MCTP1: variants seen among roughly 807,000 people sequenced by gnomAD.
The protein encoded by MCTP1 is multiple C2 and transmembrane domain containing 1.
MCTP1 carries 69 observed loss-of-function variants against 120.6 expected under a neutral mutation model. The observed-to-expected ratio is 0.57, with a 90% CI of 0.47 to 0.70. The LOEUF is 0.70. Ranked by LOEUF, MCTP1 falls within the 30% of genes least tolerant of loss-of-function variation. MCTP1 has a pLI of 0.00. For synonymous variants in MCTP1, 529 were observed against 493.1 expected (o/e 1.07, Z -0.96); for missense variants, 1,203 against 1,248.8 (o/e 0.96, Z 0.55).
rs1801924026 is a variant in MCTP1 at position 94,888,908 on chromosome 5, G to A, written c.1904C>T (p.Ala635Val). 8 of 1,613,568 alleles carry A rather than the reference G, an allele frequency of 5.0e-6. No homozygotes were observed. The highest frequency in any genetic ancestry group is 4.2e-6 in the Non-Finnish European group (5 of 1,179,618). The stretch of plus-strand genomic sequence containing the variant: ...GACGTCGGCAGCCATTAACCCTTCC[G>A]CTCTGATGACTTTCACCTGGAGAAA... Reference protein sequence around the residue: ...VGFLQVKVIRAEGLMAADVTG... With the variant: ...VGFLQVKVIRVEGLMAADVTG... The change falls in exon 12 of 23, where the codon GCG (alanine) becomes GTG (valine). Residue 635 changes from alanine (A) to valine (V), a missense_variant. Around this residue, in one of 2 missense-constraint regions of MCTP1, gnomAD observed 740 missense variants for 871.1 expected, o/e 0.85. Transcript: ENST00000515393.
At chr5:95,091,106 A>G (rs1755812321) in intron 1 of MCTP1, among the ~76,000 whole-genome samples, 1 of 152,008 alleles carries the variant, frequency 6.6e-6, no homozygotes, top group Admixed American at 6.6e-5. Flanking sequence ...CCTTCCCCCC[A>G]ACCCCAAACC....
intron 17 of MCTP1, among the ~76,000 whole-genome samples, chr5:94,838,095 A>T (rs1790217478): frequency 6.6e-6 from 1 of 152,188 alleles, no homozygotes; most frequent in Admixed American, 6.5e-5. Flanking sequence ...AAGTGCTCTG[A>T]AACTAAATCA....
chr5:94,943,075 T>A (rs1369452738), intron 3 of MCTP1, among the ~76,000 whole-genome samples: 1 of 152,122 alleles, frequency 6.6e-6, no homozygotes, highest in South Asian at 2.1e-4. Flanking sequence ...ATTCACTCTA[T>A]GGTAAGTAAG....
At chr5:95,001,233 G>A (rs940579373) in intron 2 of MCTP1, among the ~76,000 whole-genome samples, 10 of 152,150 alleles carry the variant, frequency 6.6e-5, no homozygotes, top group African/African-American at 2.4e-4. Flanking sequence ...CCCAGTGTCG[G>A]GTATTTCTTC....
At chr5:95,019,438 C>G (rs955567348) in intron 1 of MCTP1, among the ~76,000 whole-genome samples, 1 of 151,992 alleles carries the variant, frequency 6.6e-6, no homozygotes, top group African/African-American at 2.4e-5. Flanking sequence ...ACGCCCCCAC[C>G]CCTAGTAACC....
chr5:94,706,229 T>G lies in MCTP1; in HGVS notation c.*1267A>C, dbSNP rs1754548633. The G allele has an allele frequency of 6.6e-6, 1 of 151,640 alleles. No individual in the cohort carries two copies. The highest frequency in any genetic ancestry group is 6.6e-5 in the Admixed American group (1 of 15,176). The allele number at this position is 151,640 out of a possible 1,614,324, so 9.4% of individuals were successfully genotyped here. On this transcript the variant is annotated 3_prime_UTR_variant, in exon 23 of 23. Coordinates refer to ENST00000515393, the MANE Select transcript of MCTP1 (RefSeq NM_024717.7). ...GTAGTCCCCTACCAAGTCAGGGAAG[T>G]AAGACATTCTCAACCAACCAAATTA...
chr5:94,986,874 C>T (rs1830514669), intron 2 of MCTP1, among the ~76,000 whole-genome samples: 1 of 152,036 alleles, frequency 6.6e-6, no homozygotes. Context: ...CCCTTGGTAT[C>T]CTCAAGGGAC....
chr5:94,779,736 C>A (rs186327967), intron 18 of MCTP1, among the ~76,000 whole-genome samples: 57 of 152,186 alleles, frequency 3.7e-4, no homozygotes, highest in African/African-American at 1.2e-3. Context: ...CATTTTAATT[C>A]TCTGTGATTT....
rs117724078 is a variant in MCTP1 at position 95,029,368 on chromosome 5, T to C, written c.721-11884A>G. Among the ~76,000 whole-genome samples, 19 of 152,236 alleles carry C rather than the reference T, an allele frequency of 1.2e-4. No homozygotes were observed. In the East Asian group the frequency reaches 3.1e-3, roughly 25 times the overall value. ...TTTGAGCTCTAGAAGCCTCATTTTC[T>C]ATTTCTTTAAAAAAAGTCCTTGTGA... is the stretch of plus-strand genomic sequence containing the variant. On this transcript the variant is annotated intron_variant, in intron 1 of 22. Coordinates refer to ENST00000515393, the MANE Select transcript of MCTP1 (RefSeq NM_024717.7).
chr5:94,901,317 A>G (rs1231701702), intron 10 of MCTP1, among the ~76,000 whole-genome samples: 7 of 152,196 alleles, frequency 4.6e-5, no homozygotes, highest in African/African-American at 9.6e-5. Context: ...GACCCACCCC[A>G]TGATTCAATC....
intron 20 of MCTP1, 41 bp downstream of exon 20, chr5:94,714,736 A>G: frequency 8.6e-7 from 1 of 1,168,988 alleles, no homozygotes; most frequent in South Asian, 1.2e-5. Flanking sequence ...TGGACACCTT[A>G]TCCCACAGAA....
intron 18 of MCTP1, among the ~76,000 whole-genome samples, chr5:94,790,493 GGGGTGT>G (rs1364978973): frequency 1.3e-5 from 2 of 152,190 alleles, no homozygotes; most frequent in African/African-American, 2.4e-5. Flanking sequence ...CAGCAGCTGT[GGGGTGT>G]GTTGGGTTAA....
chr5:95,175,375 C>G (rs1747840696), intron 1 of MCTP1, among the ~76,000 whole-genome samples: 1 of 152,168 alleles, frequency 6.6e-6, no homozygotes, highest in Admixed American at 6.5e-5. Context: ...AAACCAAACT[C>G]GTGTTCCTGG....
At chr5:95,152,188 A>G (rs1309483091) in intron 1 of MCTP1, among the ~76,000 whole-genome samples, 1 of 152,226 alleles carries the variant, frequency 6.6e-6, no homozygotes, top group East Asian at 1.9e-4. Flanking sequence ...TTAAGTTTCA[A>G]TGAAAATTCA....
At chr5:94,901,582 A>G (rs1369126591) in intron 10 of MCTP1, among the ~76,000 whole-genome samples, 4 of 152,030 alleles carry the variant, frequency 2.6e-5, no homozygotes, top group Non-Finnish European at 5.9e-5. Context: ...ATGTTTCCTG[A>G]CTTCCATATC....
At position 94,708,588 on chromosome 5, in the gene MCTP1, T is replaced by G. The variant is rs1755525149; in HGVS notation, c.2852A>C (p.Lys951Thr). ...LVWGINKFTK[K>T]LRSPYAIDNN... ...ATCAATTGCATATGGACTCCGAAGC[T>G]TTTTTGTAAATTTATTGATGCCTGA... The change falls in exon 22 of 23, where the codon AAG becomes ACG. Residue 951 changes from lysine to threonine, a missense_variant. By Grantham distance (78) the Lys-to-Thr change is moderately conservative (BLOSUM62 -1). This residue lies in a region of MCTP1 where 740 missense variants were observed against 871.1 expected (regional missense o/e 0.85). Coordinates refer to ENST00000515393, the MANE Select transcript of MCTP1 (RefSeq NM_024717.7). The G allele has an allele frequency of 3.1e-6, 5 of 1,609,680 alleles. No individual in the cohort carries two copies. Among genetic ancestry groups the G allele is most frequent in the Non-Finnish European group, 4.2e-6 (5 of 1,176,704 alleles).
At chr5:95,149,756 C>T (rs900461264) in intron 1 of MCTP1, among the ~76,000 whole-genome samples, 1 of 152,186 alleles carries the variant, frequency 6.6e-6, no homozygotes, top group East Asian at 1.9e-4. Flanking sequence ...TCCCTGCGGC[C>T]TTAAGCGGTG....
At chr5:95,093,938 G>A (rs1156511142) in intron 1 of MCTP1, among the ~76,000 whole-genome samples, 3 of 152,316 alleles carry the variant, frequency 2.0e-5, no homozygotes, top group Admixed American at 6.5e-5. Context: ...AGAGGTCTAC[G>A]TGGAGAAAAA....
chr5:94,859,212 C>T (rs1222382514), intron 17 of MCTP1, among the ~76,000 whole-genome samples: 4 of 151,660 alleles, frequency 2.6e-5, no homozygotes, highest in African/African-American at 9.7e-5. Context: ...TTAAAGGGCT[C>T]TCTTAAAATA....
Sources: allele counts gnomAD v4.1 joint callset (sites outside exome capture counted in the v4.1 genomes callset), GRCh38; gene constraint gnomAD v4.1.1; regional missense constraint gnomAD v4.1.1; transcripts MANE v1.5; gene names NCBI Gene and HGNC (gene_info 2026-07-23, HGNC 2026-07-21).